Variants in EPB41L2 observed in about 807,000 individuals in gnomAD.
EPB41L2 encodes the protein band 4.1-like protein 2.
Under a neutral mutation model 113.0 loss-of-function variants are expected in EPB41L2, and 43 were observed. The observed-to-expected ratio is 0.38, with a 90% CI of 0.30 to 0.49. The LOEUF (loss-of-function observed/expected upper bound fraction) is 0.49, where lower values mean the gene tolerates loss of function less well. Ranked by LOEUF, EPB41L2 falls within the 20% of genes least tolerant of loss-of-function variation. The pLI, the probability that EPB41L2 is intolerant of heterozygous loss-of-function variation, is 0.95. For missense variants in EPB41L2, 1,147 were observed against 1,223.4 expected (o/e 0.94, Z 0.93); for synonymous variants, 442 against 436.7 (o/e 1.01, Z -0.15).
intron 14 of EPB41L2, among the ~76,000 whole-genome samples, chr6:130,871,397 C>T (rs1785623764): frequency 6.6e-6 from 1 of 152,144 alleles, no homozygotes; most frequent in Admixed American, 6.5e-5. Flanking sequence ...AAAGTGACTC[C>T]ATTCTGGATG....
intron 1 of EPB41L2, among the ~76,000 whole-genome samples, chr6:131,060,145 G>A (rs1405619950): frequency 6.6e-5 from 10 of 152,202 alleles, no homozygotes; most frequent in Non-Finnish European, 7.3e-5. Context: ...ACAGGCGTGC[G>A]CCACCATGCC....
At position 130,981,132 on chromosome 6, in the gene EPB41L2, G is replaced by C. The variant is rs117529900; in HGVS notation, c.-14-24633C>G. Among the ~76,000 whole-genome samples, 316 of 152,020 alleles carry C rather than the reference G, an allele frequency of 2.1e-3. 1 individual carries two copies. Among genetic ancestry groups the C allele is most frequent in the Non-Finnish European group, 3.5e-3 (239 of 67,970 alleles). On this transcript the variant is annotated intron_variant, in intron 1 of 19. Coordinates refer to ENST00000337057, the MANE Select transcript of EPB41L2 (RefSeq NM_001431.4). ...TTATATAAACATATGGCTTAAAACAGGCCGAACAATTTTCAATATGAGAAG... is the reference window on the plus strand; with the variant it reads ...TTATATAAACATATGGCTTAAAACACGCCGAACAATTTTCAATATGAGAAG...
intron 3 of EPB41L2, among the ~76,000 whole-genome samples, chr6:130,938,846 CCT>C (rs1243097024): frequency 1.3e-5 from 2 of 152,128 alleles, no homozygotes; most frequent in African/African-American, 2.4e-5. Flanking sequence ...AACTGCTGAT[CCT>C]CTGTTACTTA....
chr6:131,053,227 A>G (rs1231693756), intron 1 of EPB41L2, among the ~76,000 whole-genome samples: 1 of 142,586 alleles, frequency 7.0e-6, no homozygotes, highest in Non-Finnish European at 1.5e-5. Context: ...AAACATAAAA[A>G]TATTCTGAAA....
chr6:131,042,370 A>G (rs1364903522), intron 1 of EPB41L2, among the ~76,000 whole-genome samples: 17 of 152,238 alleles, frequency 1.1e-4, no homozygotes, highest in Admixed American at 1.1e-3. Flanking sequence ...GCCTGATACA[A>G]CAAATGAAAT....
intron 4 of EPB41L2, among the ~76,000 whole-genome samples, chr6:130,921,441 C>T (rs35591286): frequency 0.02 from 3,018 of 152,264 alleles, 51 homozygotes; most frequent in Non-Finnish European, 0.034. Context: ...ACACGAGTCC[C>T]TACCTCCCCC....
At chr6:130,964,629 C>T (rs1482177284) in intron 1 of EPB41L2, among the ~76,000 whole-genome samples, 2 of 151,756 alleles carry the variant, frequency 1.3e-5, no homozygotes, top group East Asian at 1.9e-4. Flanking sequence ...GAGATTCTGC[C>T]AAGAAAATAA....
chr6:130,867,005 T>TA (rs1238173681), intron 16 of EPB41L2, among the ~76,000 whole-genome samples: 2 of 152,092 alleles, frequency 1.3e-5, no homozygotes, highest in Non-Finnish European at 2.9e-5. Flanking sequence ...TGTGTGTTAT[T>TA]ACAAGCAAGA....
At chr6:130,922,786 G>GT (rs79616364) in intron 4 of EPB41L2, among the ~76,000 whole-genome samples, 10,467 of 152,098 alleles carry the variant, frequency 0.069, 544 homozygotes, top group Admixed American at 0.13. Context: ...TTAAAAACAA[G>GT]TAAGTTACAA....
At chr6:130,892,656 T>C (rs539851281) in intron 10 of EPB41L2, among the ~76,000 whole-genome samples, 30 of 114,760 alleles carry the variant, frequency 2.6e-4, no homozygotes, top group Middle Eastern at 3.7e-3. Context: ...TCTTGAAAAA[T>C]AGATATTATC....
intron 2 of EPB41L2, 83 bp downstream of exon 2, chr6:130,955,911 A>G: frequency 1.3e-6 from 2 of 1,525,862 alleles, no homozygotes; most frequent in Non-Finnish European, 1.7e-6. Flanking sequence ...GAAATCTGGA[A>G]ATGATCCAAA....
chr6:130,873,135 T>C (rs1474480963), intron 14 of EPB41L2, among the ~76,000 whole-genome samples: 1 of 152,184 alleles, frequency 6.6e-6, no homozygotes, highest in Non-Finnish European at 1.5e-5. Context: ...CCACATTCAT[T>C]CCCTCAGGCG....
chr6:130,871,757 A>G (rs184356661), intron 14 of EPB41L2, among the ~76,000 whole-genome samples: 4 of 152,358 alleles, frequency 2.6e-5, no homozygotes, highest in Admixed American at 2.6e-4. Context: ...AAAAACTCTC[A>G]ATCTATTTTG....
intron 8 of EPB41L2, among the ~76,000 whole-genome samples, chr6:130,898,736 T>C (rs1795390696): frequency 6.6e-6 from 1 of 152,234 alleles, no homozygotes; most frequent in Non-Finnish European, 1.5e-5. Flanking sequence ...CTGCCTAATT[T>C]ATCGTGTAAA....
chr6:131,013,264 G>A (rs1787469953), intron 1 of EPB41L2, among the ~76,000 whole-genome samples: 1 of 151,244 alleles, frequency 6.6e-6, no homozygotes. Flanking sequence ...ATATATATAA[G>A]ACCCAATCCT....
At chr6:131,001,106 CTTTTA>C (rs60374854) in intron 1 of EPB41L2, among the ~76,000 whole-genome samples, 26,609 of 151,998 alleles carry the variant, frequency 0.18, 2,471 homozygotes, top group East Asian at 0.36. Flanking sequence ...AGACACTTCT[CTTTTA>C]TTTTAAGAGA....
At chr6:130,865,461 A>G in intron 17 of EPB41L2, 75 bp downstream of exon 17, 2 of 1,433,668 alleles carry the variant, frequency 1.4e-6, no homozygotes, top group South Asian at 2.4e-5. Flanking sequence ...TGTGTACAGG[A>G]AGAGAGAAAC....
chr6:130,959,027 T>C (rs1818464642), intron 1 of EPB41L2, among the ~76,000 whole-genome samples: 1 of 152,136 alleles, frequency 6.6e-6, no homozygotes, highest in Non-Finnish European at 1.5e-5. Context: ...GGTCTATATA[T>C]ACTACAGCAG....
chr6:130,861,827 G>A (rs1177699075), intron 18 of EPB41L2, among the ~76,000 whole-genome samples: 3 of 147,940 alleles, frequency 2.0e-5, no homozygotes, highest in Admixed American at 6.9e-5. Flanking sequence ...AGTCCAGATC[G>A]TGCCACTGCA....
Sources: allele counts gnomAD v4.1 joint callset (sites outside exome capture counted in the v4.1 genomes callset), GRCh38; gene constraint gnomAD v4.1.1; transcripts MANE v1.5; gene names NCBI Gene and HGNC (gene_info 2026-07-23, HGNC 2026-07-21).